The following ASCC3 variants were observed in gnomAD, a reference collection of about 807,000 sequenced individuals.
ASCC3 encodes ASC-1 complex subunit P200.
In ASCC3, 158 loss-of-function variants were observed where a neutral mutation model predicts 256.3. The ratio of observed to expected loss-of-function variants is 0.62; its 90% confidence interval spans 0.54 to 0.70. ASCC3 has a LOEUF of 0.70. ASCC3 is among the 30% of genes least tolerant of loss of function. ASCC3 has a pLI of 0.00. For missense variants in ASCC3, 2,259 were observed against 2,626.0 expected (o/e 0.86, Z 3.05); for synonymous variants, 948 against 883.4 (o/e 1.07, Z -1.30).
At chr6:100,562,958 T>G (rs966422124) in intron 36 of ASCC3, among the ~76,000 whole-genome samples, 1 of 151,884 alleles carries the variant, frequency 6.6e-6, no homozygotes, top group African/African-American at 2.4e-5. Context: ...AGGTTGCCAT[T>G]TTTTTTTCAA....
chr6:100,542,267 G>A (rs1775497560), intron 36 of ASCC3, among the ~76,000 whole-genome samples: 1 of 152,128 alleles, frequency 6.6e-6, no homozygotes, highest in Non-Finnish European at 1.5e-5. Context: ...TAGAAAATAT[G>A]AAAAGCAGCC....
rs75981055 is a variant in ASCC3 at position 100,751,757 on chromosome 6, A to T, written c.1737+14808T>A. Among the ~76,000 whole-genome samples, 1,958 of 136,120 alleles carry T rather than the reference A, an allele frequency of 0.014. 100 individuals carry two copies. In the East Asian group the frequency reaches 0.16, roughly 11 times the overall value. The allele number at this position is 136,120 out of a possible 152,430, so 89.3% of individuals were successfully genotyped here. On this transcript the variant is annotated intron_variant, in intron 10 of 41. Transcript: ENST00000369162. ...CTCATTTATATGGTCACACACTACC[A>T]CGGAAAGCAAAGGCTGCCTATAATT...
intron 14 of ASCC3, 106 bp downstream of exon 14, chr6:100,679,512 G>C: frequency 6.6e-7 from 1 of 1,514,502 alleles, no homozygotes; most frequent in Non-Finnish European, 9.1e-7. Context: ...TCATAAATCT[G>C]CAAAATTAAC....
At chr6:100,777,648 G>A (rs1185452101) in intron 8 of ASCC3, among the ~76,000 whole-genome samples, 1 of 152,076 alleles carries the variant, frequency 6.6e-6, no homozygotes, top group East Asian at 1.9e-4. Flanking sequence ...CAAGAACCAG[G>A]CCACGAAAAA....
At position 100,642,633 on chromosome 6, in the gene ASCC3, A is replaced by G. The variant is rs895419655; in HGVS notation, c.3849T>C (p.Cys1283=). ...GAATTAGATGTTGAAAGTTGATAAT[A>G]CATACTGCCTCAGCACCCAACCATC... ...SDRWLGAEAV[C]IINFQHLILP... The change falls in exon 24 of 42, where the codon TGT becomes TGC. Residue 1283 remains cysteine, a synonymous_variant. Coordinates refer to ENST00000369162, the MANE Select transcript of ASCC3 (RefSeq NM_006828.4). 1.4e-5 allele frequency: 22 copies of G among 1,613,878 alleles called. No individual in the cohort carries two copies. The highest frequency in any genetic ancestry group is 1.9e-5 in the Non-Finnish European group (22 of 1,179,918).
intron 4 of ASCC3, among the ~76,000 whole-genome samples, chr6:100,825,601 G>A (rs1166003564): frequency 6.6e-6 from 1 of 152,094 alleles, no homozygotes; most frequent in East Asian, 1.9e-4. Flanking sequence ...TCTTCTTGAG[G>A]AGTATCTTGT....
chr6:100,790,832 T>C (rs905403279), intron 8 of ASCC3, among the ~76,000 whole-genome samples: 1 of 151,892 alleles, frequency 6.6e-6, no homozygotes, highest in Non-Finnish European at 1.5e-5. Context: ...TTTTCTGTAG[T>C]TTAGCAGGTA....
intron 36 of ASCC3, among the ~76,000 whole-genome samples, chr6:100,587,914 G>C (rs1002457264): frequency 6.6e-6 from 1 of 152,124 alleles, no homozygotes; most frequent in Non-Finnish European, 1.5e-5. Flanking sequence ...TTTTAGTGGA[G>C]TAAACAGGGG....
intron 2 of ASCC3, among the ~76,000 whole-genome samples, chr6:100,865,894 TA>T (rs1773453751): frequency 6.6e-6 from 1 of 152,184 alleles, no homozygotes; most frequent in African/African-American, 2.4e-5. Context: ...CTGTGACATT[TA>T]TATGAAACCT....
intron 38 of ASCC3, among the ~76,000 whole-genome samples, chr6:100,517,062 C>A (rs1313384040): frequency 6.6e-6 from 1 of 152,024 alleles, no homozygotes; most frequent in East Asian, 1.9e-4. Context: ...TCTCCCCATG[C>A]CATCTGCTGC....
At chr6:100,517,871 AG>A in intron 38 of ASCC3, 119 bp downstream of exon 38, 1 of 1,115,440 alleles carries the variant, frequency 9.0e-7, no homozygotes, top group Non-Finnish European at 1.3e-6. Context: ...GGGAAACAGG[AG>A]TATTTTCCAT....
At position 100,767,267 on chromosome 6, in the gene ASCC3, T is replaced by C. The variant is rs1781700247; in HGVS notation, c.1474A>G (p.Asn492Asp). Residue 492 changes from asparagine to aspartate, a missense_variant, in exon 9 of 42, where the codon AAT becomes GAT. Around this residue, in one of 2 missense-constraint regions of ASCC3, gnomAD observed 1,839 missense variants for 2,206.7 expected, o/e 0.83. Transcript: ENST00000369162. ...SIVFETAYNTNENMLICAPTG... is the reference protein window; with the variant it reads ...SIVFETAYNTDENMLICAPTG... ...GGGGCACAAATCAGCATGTTCTCAT[T>C]GGTGTTGTAGGCAGTCTCAAACACT... is the stretch of plus-strand genomic sequence containing the variant. The C allele has an allele frequency of 6.2e-7, 1 of 1,613,996 alleles. No individual in the cohort carries two copies. The highest frequency in any genetic ancestry group is 1.7e-5 in the Admixed American group (1 of 60,004).
intron 4 of ASCC3, among the ~76,000 whole-genome samples, chr6:100,820,170 C>G (rs705586): frequency 0.42 from 63,459 of 151,918 alleles, 13,939 homozygotes; most frequent in Middle Eastern, 0.57. Context: ...GATGGAATAG[C>G]AGAAAACTCA....
At chr6:100,663,419 C>T (rs1776322762) in intron 14 of ASCC3, among the ~76,000 whole-genome samples, 3 of 152,208 alleles carry the variant, frequency 2.0e-5, no homozygotes, top group South Asian at 2.1e-4. Flanking sequence ...TGAATCGTCC[C>T]TTTGTCCAGC....
intron 10 of ASCC3, among the ~76,000 whole-genome samples, chr6:100,730,340 C>T (rs1258656406): frequency 1.9e-5 from 2 of 107,566 alleles, no homozygotes; most frequent in Non-Finnish European, 4.0e-5. Flanking sequence ...AATGCCACTA[C>T]CAAGTATATT....
At chr6:100,541,076 C>T (rs181012566) in intron 36 of ASCC3, among the ~76,000 whole-genome samples, 138 of 151,944 alleles carry the variant, frequency 9.1e-4, no homozygotes, top group Middle Eastern at 3.4e-3. Flanking sequence ...AACCTACAAG[C>T]GAAACTAGAA....
chr6:100,775,919 G>T (rs561848720), intron 8 of ASCC3, among the ~76,000 whole-genome samples: 1 of 151,836 alleles, frequency 6.6e-6, no homozygotes, highest in South Asian at 2.1e-4. Context: ...ATTGGAACAT[G>T]AAATAATTAA....
At chr6:100,767,905 C>A (rs902917868) in intron 8 of ASCC3, among the ~76,000 whole-genome samples, 1 of 151,900 alleles carries the variant, frequency 6.6e-6, no homozygotes, top group Non-Finnish European at 1.5e-5. Flanking sequence ...CGTGAGCCAC[C>A]GCACCCGGCC....
intron 38 of ASCC3, 94 bp downstream of exon 38, chr6:100,517,897 T>C (rs1774112768): frequency 3.7e-6 from 5 of 1,341,656 alleles, no homozygotes; most frequent in African/African-American, 1.5e-5. Context: ...ATAATCAGTA[T>C]TCTCCATAAC....
Sources: allele counts gnomAD v4.1 joint callset (sites outside exome capture counted in the v4.1 genomes callset), GRCh38; gene constraint gnomAD v4.1.1; regional missense constraint gnomAD v4.1.1; transcripts MANE v1.5; gene names NCBI Gene and HGNC (gene_info 2026-07-23, HGNC 2026-07-21).